Variants in VWA8 observed in about 807,000 individuals in gnomAD.
The protein encoded by VWA8 is von Willebrand factor A domain-containing protein 8.
VWA8 carries 221 observed loss-of-function variants against 241.5 expected under a neutral mutation model. That is an observed-to-expected ratio of 0.91 (90% confidence interval 0.82 to 1.02). The LOEUF is 1.02. Among genes scored for constraint, VWA8 ranks in the 50% least tolerant of loss-of-function variants. The pLI, the probability that VWA8 is intolerant of heterozygous loss-of-function variation, is 0.00. For synonymous variants in VWA8, 852 were observed against 827.1 expected (o/e 1.03, Z -0.52); for missense variants, 2,322 against 2,328.7 (o/e 1.00, Z 0.06).
chr13:41,913,921 G>GA (rs1371510420), intron 2 of VWA8, among the ~76,000 whole-genome samples: 1 of 152,164 alleles, frequency 6.6e-6, no homozygotes, highest in Non-Finnish European at 1.5e-5. Flanking sequence ...AGGGGGACTT[G>GA]AAAAAAATGT....
chr13:41,651,032 C>A (rs1023339817), intron 37 of VWA8, among the ~76,000 whole-genome samples: 22 of 151,980 alleles, frequency 1.4e-4, no homozygotes, highest in African/African-American at 5.1e-4. Context: ...TCATAAAATG[C>A]GTAATAAATA....
In VWA8 at chr13:41,581,587, GC is replaced by G. The variant is rs566497216; in HGVS notation, c.5272-5750del. Among the ~76,000 whole-genome samples, 45 of 152,256 alleles carry G rather than the reference GC, an allele frequency of 3.0e-4. No homozygotes were observed. The East Asian group carries it at 3.1e-3, about 10-fold the overall frequency. On this transcript the variant is annotated intron_variant, in intron 42 of 44. Coordinates refer to ENST00000379310, the MANE Select transcript of VWA8 (RefSeq NM_015058.2). Reference sequence around the variant, plus strand: ...GGGCACAAAGTGCTGCCTACTCACTGCCCCCCTCCACTGCCAAACATCCTTC... The same window carrying G: ...GGGCACAAAGTGCTGCCTACTCACTGCCCCCTCCACTGCCAAACATCCTTC...
At position 41,568,052 on chromosome 13, in the gene VWA8, G is replaced by A. The variant is rs148788607; in HGVS notation, c.*145C>T. 3.0e-4 allele frequency: 196 copies of A among 651,824 alleles called. No individual in the cohort carries two copies. The East Asian group carries it at 4.8e-3, about 16-fold the overall frequency. 40.4% of individuals were successfully genotyped at this position (651,824 alleles called of 1,614,324 possible). On this transcript the variant is annotated 3_prime_UTR_variant, in exon 45 of 45. Coordinates refer to ENST00000379310, the MANE Select transcript of VWA8 (RefSeq NM_015058.2). ...GCTGCTTCTCTGAATTCTCATTACGGAGCAAGTGTAGGAAGACCCAGGAAT... is the reference window on the plus strand; with the variant it reads ...GCTGCTTCTCTGAATTCTCATTACGAAGCAAGTGTAGGAAGACCCAGGAAT...
chr13:41,881,661 TC>T, intron 9 of VWA8, among the ~76,000 whole-genome samples: 1 of 147,202 alleles, frequency 6.8e-6, no homozygotes, highest in Non-Finnish European at 1.5e-5. Flanking sequence ...GCTCCTCACT[TC>T]CCAGTAGGGG....
chr13:41,905,681 G>A (rs1875676481), intron 4 of VWA8, among the ~76,000 whole-genome samples: 1 of 151,920 alleles, frequency 6.6e-6, no homozygotes, highest in Non-Finnish European at 1.5e-5. Flanking sequence ...AGTCCAAGTT[G>A]TTGTCTTACA....
Position 41,567,782 on chromosome 13 carries a change from G to A in VWA8, c.*415C>T, listed in dbSNP as rs142673656. ...TGGGTTTTGCACAGACTTGCATCTT[G>A]TGTCAGAATGTGACATCAAAGGCTC... is the stretch of plus-strand genomic sequence containing the variant. On this transcript the variant is annotated 3_prime_UTR_variant, in exon 45 of 45. Coordinates refer to ENST00000379310, the MANE Select transcript of VWA8 (RefSeq NM_015058.2). 20 of 157,990 alleles carry A rather than the reference G, an allele frequency of 1.3e-4. No individual in the cohort carries two copies. In the East Asian group the frequency reaches 3.4e-3, roughly 27 times the overall value. The allele number at this position is 157,990 out of a possible 1,614,324, so 9.8% of individuals were successfully genotyped here. A position where few individuals can be genotyped will look rare whatever the true frequency, so the allele number is the denominator to read the frequency against.
intron 23 of VWA8, 127 bp from the exon 24 acceptor site, chr13:41,727,440 G>A: frequency 1.2e-6 from 1 of 859,768 alleles, no homozygotes. Flanking sequence ...ATATTTGGCT[G>A]TGATAACTTG....
At chr13:41,778,126 G>T (rs979930948) in intron 19 of VWA8, 70 bp from the exon 20 acceptor site, 4 of 1,118,394 alleles carry the variant, frequency 3.6e-6, no homozygotes, top group Non-Finnish European at 5.1e-6. Context: ...TAACTATAAA[G>T]ATATCTTTAT....
At chr13:41,775,590 T>C (rs1868556575) in intron 20 of VWA8, among the ~76,000 whole-genome samples, 1 of 152,162 alleles carries the variant, frequency 6.6e-6, no homozygotes, top group African/African-American at 2.4e-5. Flanking sequence ...TCAGTGGGCT[T>C]GACCATCCTT....
chr13:41,924,181 C>G (rs1335089946), intron 2 of VWA8, among the ~76,000 whole-genome samples: 3 of 151,866 alleles, frequency 2.0e-5, no homozygotes, highest in African/African-American at 7.3e-5. Context: ...CAATTTATAA[C>G]CTCAGAGATT....
chr13:41,939,266 T>C (rs756688778), intron 2 of VWA8, among the ~76,000 whole-genome samples: 2 of 152,232 alleles, frequency 1.3e-5, no homozygotes, highest in Non-Finnish European at 2.9e-5. Flanking sequence ...AGAAATACCA[T>C]TTTTGATACA....
intron 17 of VWA8, among the ~76,000 whole-genome samples, chr13:41,789,414 A>G (rs895656806): frequency 2.6e-5 from 4 of 152,214 alleles, no homozygotes; most frequent in Non-Finnish European, 1.5e-5. Context: ...TATTATGAAC[A>G]GCCTGGTGTC....
At chr13:41,678,170 C>T (rs1218142147) in intron 35 of VWA8, among the ~76,000 whole-genome samples, 4 of 152,154 alleles carry the variant, frequency 2.6e-5, no homozygotes, top group East Asian at 3.9e-4. Context: ...AGTCCTGAGG[C>T]CAGGTATGAG....
In VWA8 at chr13:41,940,786, T is replaced by C. The variant is rs540551665; in HGVS notation, c.241+9150A>G. ...TGGACACAGTTGCTCATAAGATTAG[T>C]AGAAACAATGCAACAATTTACTACT... On this transcript the variant is annotated intron_variant, in intron 2 of 44. Transcript: ENST00000379310. 3.3e-5 allele frequency among the ~76,000 whole-genome samples: 5 copies of C among 152,316 alleles called. No individual in the cohort carries two copies. The East Asian group carries it at 9.6e-4, about 29-fold the overall frequency.
At chr13:41,886,742 C>A in intron 7 of VWA8, 39 bp downstream of exon 7, 2 of 1,512,560 alleles carry the variant, frequency 1.3e-6, no homozygotes, top group East Asian at 2.3e-5. Flanking sequence ...AAAACAAATT[C>A]AATATTCAGT....
At chr13:41,691,496 G>T in intron 31 of VWA8, 51 bp from the exon 32 acceptor site, 2 of 1,593,816 alleles carry the variant, frequency 1.3e-6, no homozygotes, top group South Asian at 2.3e-5. Context: ...GATAATGGTT[G>T]AGTAATCTGG....
intron 2 of VWA8, among the ~76,000 whole-genome samples, chr13:41,930,391 C>A (rs1877049018): frequency 6.6e-6 from 1 of 152,130 alleles, no homozygotes; most frequent in Non-Finnish European, 1.5e-5. Context: ...GAAATAAAAT[C>A]ACCTCATAAA....
chr13:41,908,208 G>A (rs1229085058), intron 3 of VWA8, among the ~76,000 whole-genome samples: 1 of 152,192 alleles, frequency 6.6e-6, no homozygotes, highest in Non-Finnish European at 1.5e-5. Context: ...GCTCACACCT[G>A]TAATCCCAGC....
intron 26 of VWA8, among the ~76,000 whole-genome samples, chr13:41,717,591 A>C (rs1280212859): frequency 6.6e-6 from 1 of 151,964 alleles, no homozygotes; most frequent in Non-Finnish European, 1.5e-5. Flanking sequence ...AATTTGATAG[A>C]AATTGCTACA....
Sources: gnomAD v4.1 joint callset for allele counts (sites outside exome capture counted in the v4.1 genomes callset) on GRCh38, gnomAD v4.1.1 for gene constraint, MANE v1.5 for transcripts, NCBI Gene and HGNC (gene_info 2026-07-23, HGNC 2026-07-21) for gene names.